ST6GALNAC5: variants seen among roughly 807,000 people sequenced by gnomAD.
ST6GALNAC5 encodes the protein alpha-N-acetylgalactosaminide alpha-2,6-sialyltransferase 5.
In ST6GALNAC5, 27 loss-of-function variants were observed where a neutral mutation model predicts 33.6. The ratio of observed to expected loss-of-function variants is 0.80; its 90% CI spans 0.59 to 1.11. The LOEUF is 1.11. Among genes scored for constraint, ST6GALNAC5 ranks in the 50% least tolerant of loss-of-function variants. The probability of loss-of-function intolerance (pLI) is 0.00; values close to 1 mark genes in which losing one functional copy is unlikely to be tolerated. For missense variants in ST6GALNAC5, 428 were observed against 454.0 expected (o/e 0.94, Z 0.52); for synonymous variants, 194 against 171.2 (o/e 1.13, Z -1.04).
chr1:76,964,226 T>G (rs1189560647), intron 2 of ST6GALNAC5, among the ~76,000 whole-genome samples: 1 of 152,180 alleles, frequency 6.6e-6, no homozygotes, highest in African/African-American at 2.4e-5. Context: ...ATAAAGTCTC[T>G]TAATCCAAGT....
intron 2 of ST6GALNAC5, among the ~76,000 whole-genome samples, chr1:76,996,658 A>T (rs1427230176): frequency 2.0e-5 from 3 of 152,236 alleles, no homozygotes; most frequent in Non-Finnish European, 2.9e-5. Flanking sequence ...AGCTGAGGCC[A>T]GGAGGCTTAA....
intron 2 of ST6GALNAC5, among the ~76,000 whole-genome samples, chr1:76,982,819 G>A (rs535776930): frequency 1.4e-3 from 216 of 151,068 alleles, no homozygotes; most frequent in African/African-American, 4.6e-3. Context: ...ATCTCTCAGC[G>A]GAAAGCCTAA....
At chr1:76,912,018 A>G (rs114236586) in intron 2 of ST6GALNAC5, among the ~76,000 whole-genome samples, 5,544 of 151,810 alleles carry the variant, frequency 0.037, 348 homozygotes, top group African/African-American at 0.13. Context: ...TGTGATGTTC[A>G]GGTGTCAATT....
At chr1:77,060,614 A>C (rs555559438) in intron 4 of ST6GALNAC5, among the ~76,000 whole-genome samples, 1 of 152,132 alleles carries the variant, frequency 6.6e-6, no homozygotes, top group Non-Finnish European at 1.5e-5. Context: ...TGAATAACTT[A>C]TCTTGACACC....
chr1:76,947,350 G>T (rs1647557344), intron 2 of ST6GALNAC5, among the ~76,000 whole-genome samples: 1 of 152,088 alleles, frequency 6.6e-6, no homozygotes, highest in Non-Finnish European at 1.5e-5. Context: ...ATTTAAAAAT[G>T]ACAGAAGTAT....
intron 2 of ST6GALNAC5, among the ~76,000 whole-genome samples, chr1:77,009,174 C>T (rs997500886): frequency 6.6e-6 from 1 of 152,122 alleles, no homozygotes; most frequent in Non-Finnish European, 1.5e-5. Context: ...TTAGAGAGCC[C>T]CAGAATATCT....
intron 2 of ST6GALNAC5, among the ~76,000 whole-genome samples, chr1:76,976,264 T>A (rs1649007033): frequency 6.6e-6 from 1 of 152,160 alleles, no homozygotes; most frequent in Non-Finnish European, 1.5e-5. Context: ...TTTACATTTA[T>A]ATTTAATGTA....
At chr1:76,877,795 C>A (rs994529702) in intron 2 of ST6GALNAC5, among the ~76,000 whole-genome samples, 1 of 152,198 alleles carries the variant, frequency 6.6e-6, no homozygotes, top group African/African-American at 2.4e-5. Context: ...TGACACAAAG[C>A]TAGAGAGTTG....
chr1:77,012,122 C>T (rs1049844865), intron 2 of ST6GALNAC5, among the ~76,000 whole-genome samples: 1 of 152,102 alleles, frequency 6.6e-6, no homozygotes, highest in African/African-American at 2.4e-5. Flanking sequence ...TGAAGCTTTA[C>T]AAAATTTGAT....
At chr1:76,968,676 T>C (rs936546778) in intron 2 of ST6GALNAC5, among the ~76,000 whole-genome samples, 4 of 152,282 alleles carry the variant, frequency 2.6e-5, no homozygotes, top group African/African-American at 9.6e-5. Context: ...TTCCTAGCAT[T>C]GATGGCCTTT....
At chr1:76,979,974 A>G (rs965695570) in intron 2 of ST6GALNAC5, among the ~76,000 whole-genome samples, 2 of 152,188 alleles carry the variant, frequency 1.3e-5, no homozygotes, top group Non-Finnish European at 2.9e-5. Context: ...ACCCAAAACT[A>G]TGAAACTACT....
chr1:77,025,919 G>A (rs114463601), intron 2 of ST6GALNAC5, among the ~76,000 whole-genome samples: 1,906 of 152,238 alleles, frequency 0.013, 44 homozygotes, highest in African/African-American at 0.044. Context: ...CTATCACAAA[G>A]CTCACATACA....
chr1:76,974,773 C>CTTTTTTTTTTTTTTTT (rs60357939), intron 2 of ST6GALNAC5, among the ~76,000 whole-genome samples: 3 of 35,246 alleles, frequency 8.5e-5, no homozygotes, highest in Non-Finnish European at 1.4e-4. Context: ...TTCTTTCTTT[C>CTTTTTTTTTTTTTTTT]TTTTTTTTTT....
In ST6GALNAC5 at chr1:77,064,105, C is replaced by G. The variant is rs1025469971; in HGVS notation, c.*899C>G. The G allele has an allele frequency of 6.6e-6, 1 of 152,098 alleles. No homozygotes were observed. The highest frequency in any genetic ancestry group is 2.4e-5 in the African/African-American group (1 of 41,416). The allele number at this position is 152,098 out of a possible 1,614,324, so 9.4% of individuals were successfully genotyped here. ...TAGTAATAATTTATGTAAGTGTCCTCTCTTGAGCCCTAGTTTCCTTTTTGG... is the reference window on the plus strand; with the variant it reads ...TAGTAATAATTTATGTAAGTGTCCTGTCTTGAGCCCTAGTTTCCTTTTTGG... On this transcript the variant is annotated 3_prime_UTR_variant, in exon 5 of 5. Transcript: ENST00000477717.
chr1:76,931,998 G>A (rs536621940), intron 2 of ST6GALNAC5, among the ~76,000 whole-genome samples: 1 of 152,218 alleles, frequency 6.6e-6, no homozygotes, highest in Non-Finnish European at 1.5e-5. Flanking sequence ...GCAAAAATGA[G>A]ACCTGAGTTA....
intron 2 of ST6GALNAC5, among the ~76,000 whole-genome samples, chr1:76,947,469 T>G (rs1353194809): frequency 6.6e-6 from 1 of 152,016 alleles, no homozygotes; most frequent in Admixed American, 6.6e-5. Context: ...GACATGGTGG[T>G]TCACACCTGT....
At chr1:76,922,539 G>T (rs914262444) in intron 2 of ST6GALNAC5, among the ~76,000 whole-genome samples, 2 of 152,128 alleles carry the variant, frequency 1.3e-5, no homozygotes, top group African/African-American at 4.8e-5. Flanking sequence ...AAGAATGCCT[G>T]AAATGATCTT....
intron 2 of ST6GALNAC5, among the ~76,000 whole-genome samples, chr1:76,983,628 C>T (rs1649353435): frequency 6.6e-6 from 1 of 152,146 alleles, no homozygotes; most frequent in East Asian, 1.9e-4. Flanking sequence ...CAAGGATATC[C>T]AGGACCTGAA....
At chr1:76,965,102 T>G (rs1029112937) in intron 2 of ST6GALNAC5, among the ~76,000 whole-genome samples, 1 of 152,218 alleles carries the variant, frequency 6.6e-6, no homozygotes, top group Non-Finnish European at 1.5e-5. Context: ...GCATGATTTA[T>G]AATCCTTTGG....
Sources: allele counts gnomAD v4.1 joint callset (sites outside exome capture counted in the v4.1 genomes callset), GRCh38; gene constraint gnomAD v4.1.1; transcripts MANE v1.5; gene names NCBI Gene and HGNC (gene_info 2026-07-23, HGNC 2026-07-21).